SH3KBP1: variants seen among roughly 807,000 people sequenced by gnomAD.
SH3KBP1 encodes the protein SH3 domain containing kinase binding protein 1.
Under a neutral mutation model 50.1 loss-of-function variants are expected in SH3KBP1, and 8 were observed. That is an observed-to-expected ratio of 0.16 (90% CI 0.09 to 0.29). SH3KBP1 has a LOEUF of 0.29. Ranked by LOEUF, SH3KBP1 falls within the 10% of genes least tolerant of loss-of-function variation. The probability of loss-of-function intolerance (pLI) is 1.00; values close to 1 mark genes in which losing one functional copy is unlikely to be tolerated. For synonymous variants in SH3KBP1, 227 were observed against 218.6 expected (o/e 1.04, Z -0.34); for missense variants, 377 against 535.2 (o/e 0.70, Z 2.92).
At chrX:19,548,825 A>AAGAGAGAGAG (rs61301072) in intron 14 of SH3KBP1, among the ~76,000 whole-genome samples, 21,001 of 102,097 alleles carry the variant, frequency 0.21, 1,858 homozygotes, top group African/African-American at 0.27. Flanking sequence ...TATGGAAATA[A>AAGAGAGAGAG]AGAGAGAGAG....
At chrX:19,583,153 A>C (rs867572680) in intron 12 of SH3KBP1, among the ~76,000 whole-genome samples, 1 of 80,616 alleles carries the variant, frequency 1.2e-5, no homozygotes, top group African/African-American at 5.1e-5. Flanking sequence ...TATTATTATT[A>C]TTATTATTAT....
chrX:19,880,906 C>T (rs1372526250), intron 1 of SH3KBP1, among the ~76,000 whole-genome samples: 3 of 111,817 alleles, frequency 2.7e-5, no homozygotes, highest in Admixed American at 9.5e-5. Context: ...CTCTAGAAGC[C>T]GGGCAAGGCA....
chrX:19,636,646 C>T (rs1318514227), intron 7 of SH3KBP1, among the ~76,000 whole-genome samples: 1 of 111,845 alleles, frequency 8.9e-6, no homozygotes, highest in African/African-American at 3.3e-5. Context: ...ACATGACTGC[C>T]TGCAGCTAGT....
intron 6 of SH3KBP1, among the ~76,000 whole-genome samples, chrX:19,668,965 TATATATATA>T (rs1569405005): frequency 7.5e-5 from 4 of 53,655 alleles, no homozygotes; most frequent in African/African-American, 2.0e-4. Context: ...TATATATATA[TATATATATA>T]TTTTTTGAGA....
intron 2 of SH3KBP1, among the ~76,000 whole-genome samples, chrX:19,780,080 T>G (rs1569469019): frequency 9.2e-6 from 1 of 109,061 alleles, no homozygotes; most frequent in South Asian, 4.0e-4. Context: ...TGTTCCTATT[T>G]CTCCACATCT....
At chrX:19,684,999 T>C (rs112044044) in intron 5 of SH3KBP1, among the ~76,000 whole-genome samples, 37 of 112,577 alleles carry the variant, frequency 3.3e-4, no homozygotes, top group African/African-American at 1.2e-3. Flanking sequence ...ATATCAATTA[T>C]GCCATCAAAG....
At chrX:19,657,596 C>T (rs1197331725) in intron 6 of SH3KBP1, among the ~76,000 whole-genome samples, 1 of 106,943 alleles carries the variant, frequency 9.4e-6, no homozygotes, top group Non-Finnish European at 1.9e-5. Flanking sequence ...GGCATGGTGG[C>T]ATGCACCTGT....
At chrX:19,537,064 C>T (rs894666624) in intron 17 of SH3KBP1, among the ~76,000 whole-genome samples, 2 of 111,703 alleles carry the variant, frequency 1.8e-5, no homozygotes, top group East Asian at 2.8e-4. Flanking sequence ...CAAATGCCCC[C>T]GAACATGGAC....
intron 1 of SH3KBP1, 71 bp downstream of exon 1, chrX:19,887,236 C>T (rs991877250): frequency 3.3e-6 from 3 of 921,886 alleles, no homozygotes; most frequent in Admixed American, 1.1e-4. Flanking sequence ...TCCCGGGCTC[C>T]GCGGTTCTGG....
chrX:19,742,439 G>A (rs769684842), intron 3 of SH3KBP1, among the ~76,000 whole-genome samples: 3 of 111,559 alleles, frequency 2.7e-5, no homozygotes, highest in Non-Finnish European at 5.7e-5. Context: ...GTAGGTAAGA[G>A]TCTATATTCA....
chrX:19,733,421 A>C (rs967285924), intron 3 of SH3KBP1, among the ~76,000 whole-genome samples: 2 of 110,388 alleles, frequency 1.8e-5, no homozygotes, highest in African/African-American at 6.6e-5. Flanking sequence ...TATATATAAT[A>C]ATATTATATG....
intron 8 of SH3KBP1, among the ~76,000 whole-genome samples, chrX:19,612,755 G>A (rs1200691170): frequency 8.9e-6 from 1 of 111,938 alleles, no homozygotes; most frequent in African/African-American, 3.3e-5. Context: ...AGTCTAGTGG[G>A]AGAGGCAGAC....
At chrX:19,746,698 T>C (rs2064928734) in intron 2 of SH3KBP1, among the ~76,000 whole-genome samples, 1 of 111,835 alleles carries the variant, frequency 8.9e-6, no homozygotes, top group African/African-American at 3.3e-5. Context: ...CATGTGACTA[T>C]AAAGAGAATG....
intron 8 of SH3KBP1, among the ~76,000 whole-genome samples, chrX:19,614,521 A>T (rs775783556): frequency 5.4e-5 from 6 of 112,073 alleles, no homozygotes; most frequent in Non-Finnish European, 7.5e-5. Context: ...GGGAATTTAA[A>T]AGAAAATGCC....
At chrX:19,614,261 G>A (rs139458933) in intron 8 of SH3KBP1, among the ~76,000 whole-genome samples, 1,408 of 112,850 alleles carry the variant, frequency 0.012, 20 homozygotes, top group African/African-American at 0.043. Context: ...TAACCTGGCC[G>A]AAGTGCTCCA....
intron 2 of SH3KBP1, among the ~76,000 whole-genome samples, chrX:19,753,557 C>A (rs1198266484): frequency 9.0e-6 from 1 of 110,752 alleles, no homozygotes; most frequent in African/African-American, 3.3e-5. Context: ...TCCCTTCGTG[C>A]AGAGACTGTG....
chrX:19,817,344 T>C (rs2067387387), intron 2 of SH3KBP1, among the ~76,000 whole-genome samples: 1 of 112,241 alleles, frequency 8.9e-6, no homozygotes, highest in Non-Finnish European at 1.9e-5. Flanking sequence ...TGATAGAAAT[T>C]GCATTAGATC....
chrX:19,547,308 CTT>C (rs936457749), intron 14 of SH3KBP1, among the ~76,000 whole-genome samples: 16 of 111,965 alleles, frequency 1.4e-4, no homozygotes, highest in African/African-American at 4.5e-4. Flanking sequence ...CCACAGATCT[CTT>C]TGAGCAAGCT....
chrX:19,843,004 T>C (rs896926897), intron 1 of SH3KBP1, among the ~76,000 whole-genome samples: 19 of 98,960 alleles, frequency 1.9e-4, no homozygotes, highest in Non-Finnish European at 3.8e-4. Flanking sequence ...TACTCGTGCA[T>C]CAACTTTTTT....
Sources: allele counts gnomAD v4.1 joint callset (sites outside exome capture counted in the v4.1 genomes callset), GRCh38; gene constraint gnomAD v4.1.1; transcripts MANE v1.5; gene names NCBI Gene and HGNC (gene_info 2026-07-23, HGNC 2026-07-21).